TMED10: variants seen among roughly 807,000 people sequenced by gnomAD.
TMED10 encodes the protein transmembrane emp24 domain-containing protein 10.
A neutral mutation model predicts 23.1 loss-of-function variants in TMED10; 7 were observed. The observed-to-expected ratio is 0.30, with a 90% confidence interval of 0.17 to 0.57. The LOEUF (loss-of-function observed/expected upper bound fraction) is 0.57. Among genes scored for constraint, TMED10 ranks in the 20% least tolerant of loss-of-function variants. TMED10 has a pLI of 0.91. For missense variants in TMED10, 162 were observed against 274.8 expected (o/e 0.59, Z 2.90); for synonymous variants, 113 against 106.9 (o/e 1.06, Z -0.35).
chr14:75,135,751 C>T lies in TMED10; in HGVS notation c.538+9G>A, dbSNP rs1238227568. Reference sequence around the variant, plus strand: ...TCACTTAAGAAGTAAGAGTCGCCTTCCCCCTCACCGTTGGTATCACGCATC... The same window carrying T: ...TCACTTAAGAAGTAAGAGTCGCCTTTCCCCTCACCGTTGGTATCACGCATC... On this transcript the variant is annotated intron_variant, in intron 4 of 4. Transcript: ENST00000303575. The T allele has an allele frequency of 1.9e-6, 3 of 1,612,194 alleles. No homozygotes were observed. Among genetic ancestry groups the T allele is most frequent in the Admixed American group, 3.4e-5 (2 of 59,416 alleles).
At chr14:75,153,910 C>T (rs1008401822) in intron 1 of TMED10, among the ~76,000 whole-genome samples, 3 of 151,458 alleles carry the variant, frequency 2.0e-5, no homozygotes, top group Admixed American at 6.6e-5. Flanking sequence ...GCTGGAACTA[C>T]AGGCACCCAC....
intron 1 of TMED10, among the ~76,000 whole-genome samples, chr14:75,163,145 GGGA>G (rs201248555): frequency 0.021 from 3,189 of 152,216 alleles, 70 homozygotes; most frequent in African/African-American, 0.05. Flanking sequence ...AGAAGCCTCA[GGGA>G]GGAGGATTGC....
At chr14:75,170,702 C>T (rs1896222964) in intron 1 of TMED10, among the ~76,000 whole-genome samples, 1 of 152,132 alleles carries the variant, frequency 6.6e-6, no homozygotes, top group Non-Finnish European at 1.5e-5. Flanking sequence ...GGCAACAATT[C>T]CTTACTCTGA....
chr14:75,167,405 C>CCT (rs1343481146), intron 1 of TMED10, among the ~76,000 whole-genome samples: 1 of 151,610 alleles, frequency 6.6e-6, no homozygotes, highest in African/African-American at 2.4e-5. Flanking sequence ...CGCCCCTCTG[C>CCT]CTCTCTCTCT....
At position 75,164,563 on chromosome 14, in the gene TMED10, ATATATATATATATATTTTTT is replaced by A. The variant is rs1166890617; in HGVS notation, c.225+11772_225+11791del. 2.4e-3 allele frequency among the ~76,000 whole-genome samples: 10 copies of A among 4,246 alleles called. 1 individual carries two copies. The highest frequency in any genetic ancestry group is 6.0e-3 in the African/African-American group (10 of 1,676). 2.8% of individuals were successfully genotyped at this position (4,246 alleles called of 152,430 possible). ...TATATATATATATATATATATATAT[ATATATATATATATATTTTTT>A]TTTTTTTTTTTGTATTTTTAGAAGA... On this transcript the variant is annotated intron_variant, in intron 1 of 4. Transcript: ENST00000303575.
chr14:75,131,846 T>G lies in TMED10; in HGVS notation c.*3039A>C, dbSNP rs1376983787. On this transcript the variant is annotated 3_prime_UTR_variant, in exon 5 of 5. Coordinates refer to ENST00000303575, the MANE Select transcript of TMED10 (RefSeq NM_006827.6). ...TCCCAGTTGATAGTTTCGGCATGAG[T>G]AAAGGGAAGGGACATGAAAGAATGT... 6.6e-6 allele frequency: 1 copy of G among 152,112 alleles called. No individual in the cohort carries two copies. Among genetic ancestry groups the G allele is most frequent in the East Asian group, 1.9e-4 (1 of 5,204 alleles). The allele number at this position is 152,112 out of a possible 1,614,324, so 9.4% of individuals were successfully genotyped here. A position where few individuals can be genotyped will look rare whatever the true frequency, so the allele number is the denominator to read the frequency against.
chr14:75,169,484 C>T (rs998462941), intron 1 of TMED10, among the ~76,000 whole-genome samples: 1 of 152,038 alleles, frequency 6.6e-6, no homozygotes, highest in South Asian at 2.1e-4. Flanking sequence ...ATTGTGAAAC[C>T]CCGTCTCTAC....
At chr14:75,165,230 T>C (rs1002709255) in intron 1 of TMED10, among the ~76,000 whole-genome samples, 1 of 152,154 alleles carries the variant, frequency 6.6e-6, no homozygotes, top group Non-Finnish European at 1.5e-5. Flanking sequence ...ATGTTCTTTT[T>C]CTTTCTTTCT....
chr14:75,165,596 T>C (rs1412045834), intron 1 of TMED10, among the ~76,000 whole-genome samples: 3 of 152,202 alleles, frequency 2.0e-5, no homozygotes, highest in Non-Finnish European at 4.4e-5. Context: ...GCTTAGGTGC[T>C]ACATTTAATG....
At position 75,163,254 on chromosome 14, in the gene TMED10, C is replaced by T. The variant is rs375785298; in HGVS notation, c.226-11111G>A. On this transcript the variant is annotated intron_variant, in intron 1 of 4. Coordinates refer to ENST00000303575, the MANE Select transcript of TMED10 (RefSeq NM_006827.6). ...AAGACCCTGTCTCAAAACAAACACA[C>T]AAACAAAAAACTCACGGGCCAGGCG... is the stretch of plus-strand genomic sequence containing the variant. Among the ~76,000 whole-genome samples the T allele has an allele frequency of 5.0e-4, 76 of 151,338 alleles. 1 individual carries two copies. In the South Asian group the frequency reaches 0.014, roughly 27 times the overall value.
chr14:75,176,576 A>C lies in TMED10; in HGVS notation c.4T>G (p.Ser2Ala). MSGLSGPPARRG... is the reference protein window; with the variant it reads MAGLSGPPARRG... The stretch of plus-strand genomic sequence containing the variant: ...CGGGCTGGTGGGCCAGACAAACCAG[A>C]CATGGTGCTGGAGACTCGTTCACCA... The change falls in exon 1 of 5, where the codon TCT becomes GCT. Residue 2 changes from serine (S) to alanine (A), a missense_variant. This residue lies in a region of TMED10 where 36 missense variants were observed against 35.2 expected (regional missense o/e 1.02). Coordinates refer to ENST00000303575, the MANE Select transcript of TMED10 (RefSeq NM_006827.6). 1 of 1,614,044 alleles carries C rather than the reference A, an allele frequency of 6.2e-7. No homozygotes were observed. Among genetic ancestry groups the C allele is most frequent in the Non-Finnish European group, 8.5e-7 (1 of 1,179,976 alleles).
At chr14:75,153,698 C>T (rs1395984403) in intron 1 of TMED10, among the ~76,000 whole-genome samples, 5 of 151,596 alleles carry the variant, frequency 3.3e-5, no homozygotes, top group African/African-American at 1.2e-4. Context: ...TTAAGTAGCA[C>T]ACATTTAAGC....
At chr14:75,164,065 T>G (rs867903056) in intron 1 of TMED10, among the ~76,000 whole-genome samples, 2 of 151,954 alleles carry the variant, frequency 1.3e-5, no homozygotes, top group Admixed American at 6.6e-5. Flanking sequence ...ATTAACCACA[T>G]TTTCTTCCTT....
intron 2 of TMED10, among the ~76,000 whole-genome samples, chr14:75,148,076 A>G (rs1023118220): frequency 6.6e-6 from 1 of 152,190 alleles, no homozygotes; most frequent in East Asian, 1.9e-4. Flanking sequence ...GGGAAATAAA[A>G]CTCAAAAATC....
At chr14:75,160,814 G>A (rs1433619535) in intron 1 of TMED10, among the ~76,000 whole-genome samples, 2 of 152,200 alleles carry the variant, frequency 1.3e-5, no homozygotes, top group Non-Finnish European at 2.9e-5. Context: ...GGGAGGCTAA[G>A]GTGGCACGTC....
rs142494864 is a variant in TMED10, at chr14:75,162,022, C to T, written c.226-9879G>A. Among the ~76,000 whole-genome samples, 878 of 137,956 alleles carry T rather than the reference C, an allele frequency of 6.4e-3. 6 individuals are homozygous for T. The highest frequency in any genetic ancestry group is 7.4e-3 in the Non-Finnish European group (458 of 61,538). The allele number at this position is 137,956 out of a possible 152,430, so 90.5% of individuals were successfully genotyped here. ...TGCTCAAAAACAAAAACCAGAGGTC[C>T]GGGGCGGGGTGGGGGGCAGATCATT... On this transcript the variant is annotated intron_variant, in intron 1 of 4. Transcript: ENST00000303575.
At chr14:75,154,864 C>T (rs1327722155) in intron 1 of TMED10, among the ~76,000 whole-genome samples, 4 of 151,608 alleles carry the variant, frequency 2.6e-5, no homozygotes, top group Non-Finnish European at 4.4e-5. Flanking sequence ...GGGGTTTCAC[C>T]GTGTTAGCCA....
At position 75,147,727 on chromosome 14, in the gene TMED10, C is replaced by T; in HGVS notation, c.348G>A (p.Arg116=). 1.9e-6 allele frequency: 3 copies of T among 1,614,102 alleles called. No homozygotes were observed. The highest frequency in any genetic ancestry group is 2.5e-6 in the Non-Finnish European group (3 of 1,180,020). The change falls in exon 3 of 5, where the codon CGG becomes CGA. Residue 116 remains arginine, a synonymous_variant. Coordinates refer to ENST00000303575, the MANE Select transcript of TMED10 (RefSeq NM_006827.6). ...EVCFESKGTG[R]IPDQLVILDM... is the part of the protein sequence containing the mutation. ...CTAGGATCACGAGTTGGTCAGGTAT[C>T]CGCCCTGTTCCTGAGAAAGAAATCA...
At chr14:75,156,479 A>G (rs971659560) in intron 1 of TMED10, among the ~76,000 whole-genome samples, 4 of 152,180 alleles carry the variant, frequency 2.6e-5, no homozygotes, top group African/African-American at 7.2e-5. Flanking sequence ...CTGGACCAGC[A>G]CAAGCCATAC....
Sources: gnomAD v4.1 joint callset for allele counts (sites outside exome capture counted in the v4.1 genomes callset) on GRCh38, gnomAD v4.1.1 for gene constraint, gnomAD v4.1.1 regional missense constraint, MANE v1.5 for transcripts, NCBI Gene and HGNC (gene_info 2026-07-23, HGNC 2026-07-21) for gene names.